Variants in PTK2 observed in about 807,000 individuals in gnomAD.
The protein encoded by PTK2 is focal adhesion kinase 1.
In PTK2, 45 loss-of-function variants were observed where a neutral mutation model predicts 150.1. That is an observed-to-expected ratio of 0.30 (90% CI 0.24 to 0.38). PTK2 has a LOEUF of 0.38. Ranked by LOEUF, PTK2 falls within the 10% of genes least tolerant of loss-of-function variation. PTK2 has a pLI of 1.00. For synonymous variants in PTK2, 432 were observed against 449.2 expected (o/e 0.96, Z 0.48); for missense variants, 919 against 1,307.3 (o/e 0.70, Z 4.58).
At chr8:140,877,616 C>G (rs2100146418) in intron 4 of PTK2, among the ~76,000 whole-genome samples, 1 of 151,738 alleles carries the variant, frequency 6.6e-6, no homozygotes, top group Admixed American at 6.6e-5. Context: ...TGGCAGAGTC[C>G]CTGGCTCAGC....
chr8:140,841,871 C>T (rs762630654), intron 7 of PTK2, among the ~76,000 whole-genome samples: 2 of 152,038 alleles, frequency 1.3e-5, no homozygotes, highest in Non-Finnish European at 1.5e-5. Context: ...TGTTGCCTAT[C>T]ATATAGGCAA....
rs544631146 is a variant in PTK2, at chr8:140,873,640, T to A, written c.362+5831A>T. 6.8e-4 allele frequency among the ~76,000 whole-genome samples: 103 copies of A among 152,270 alleles called. 1 individual carries two copies. Among genetic ancestry groups the A allele is most frequent in the South Asian group, 5.8e-3 (28 of 4,818 alleles). On this transcript the variant is annotated intron_variant, in intron 4 of 31. Coordinates refer to ENST00000522684, the Ensembl canonical transcript of PTK2. ...GCCATGACGCCTGGTAATTTTTGTA[T>A]TTTTAGTAGAGGCGGGGGTTTCACC... is the stretch of plus-strand genomic sequence containing the variant.
At chr8:140,753,730 C>T (rs897817673) in intron 16 of PTK2, among the ~76,000 whole-genome samples, 5 of 152,078 alleles carry the variant, frequency 3.3e-5, no homozygotes, top group African/African-American at 9.7e-5. Context: ...TTATACATAA[C>T]ACAGAGATAA....
At chr8:140,785,595 G>A (rs2100084481) in intron 14 of PTK2, among the ~76,000 whole-genome samples, 1 of 152,148 alleles carries the variant, frequency 6.6e-6, no homozygotes, top group African/African-American at 2.4e-5. Context: ...AAATGGGAGA[G>A]CCAGACAAAT....
At chr8:140,969,557 C>T (rs1328893072) in intron 1 of PTK2, among the ~76,000 whole-genome samples, 1 of 151,982 alleles carries the variant, frequency 6.6e-6, no homozygotes, top group East Asian at 1.9e-4. Context: ...TGCTTCCCTT[C>T]TCTTGCTTTC....
chr8:140,667,836 A>C lies in PTK2; in HGVS notation c.2865+433T>G, dbSNP rs1048411706. Among the ~76,000 whole-genome samples the C allele has an allele frequency of 9.9e-5, 15 of 152,164 alleles. No individual in the cohort carries two copies. The East Asian group carries it at 2.5e-3, about 25-fold the overall frequency. On this transcript the variant is annotated intron_variant, in intron 30 of 31. Coordinates refer to ENST00000522684, the Ensembl canonical transcript of PTK2. ...CTCCTCCTTACAGGTGCGGGATCTGAATTTGATAATGATCATTCCTCTACT... is the reference window on the plus strand; with the variant it reads ...CTCCTCCTTACAGGTGCGGGATCTGCATTTGATAATGATCATTCCTCTACT...
intron 5 of PTK2, among the ~76,000 whole-genome samples, chr8:140,858,191 C>A (rs1163252472): frequency 6.6e-6 from 1 of 151,884 alleles, no homozygotes; most frequent in Admixed American, 6.6e-5. Context: ...CTAGACTGAC[C>A]TGAATTATGT....
At chr8:140,730,962 C>G (rs572713350) in intron 22 of PTK2, among the ~76,000 whole-genome samples, 8 of 142,490 alleles carry the variant, frequency 5.6e-5, no homozygotes, top group South Asian at 2.5e-4. Flanking sequence ...AACCCCCCCC[C>G]CCCTTTTTTT....
chr8:140,927,546 A>C (rs1173257632), intron 1 of PTK2: 1 of 152,206 alleles, frequency 6.6e-6, no homozygotes, highest in Non-Finnish European at 1.5e-5. Flanking sequence ...CTTGTGGTGA[A>C]TGTAAATCCC....
At position 140,746,864 on chromosome 8, in the gene PTK2, G is replaced by C. The variant is rs1176596982; in HGVS notation, c.1418-4C>G. The C allele has an allele frequency of 1.0e-5, 16 of 1,563,724 alleles. No homozygotes were observed. Among genetic ancestry groups the C allele is most frequent in the Non-Finnish European group, 1.2e-5 (14 of 1,147,276 alleles). ...TGGTCAAACTGACGCATTGTTACTA[G>C]GAAAAAAGTTCTCCATAGTTATTCT... On this transcript the variant is annotated splice_region_variant and splice_polypyrimidine_tract_variant and intron_variant, in intron 17 of 31. Transcript: ENST00000522684.
intron 2 of PTK2, among the ~76,000 whole-genome samples, chr8:140,907,609 G>A (rs1052180290): frequency 1.3e-5 from 2 of 151,934 alleles, no homozygotes; most frequent in Non-Finnish European, 2.9e-5. Flanking sequence ...ACCCTGCATC[G>A]AGCGAGTCTA....
At chr8:140,738,774 AG>A (rs1593004486) in intron 21 of PTK2, among the ~76,000 whole-genome samples, 3 of 152,184 alleles carry the variant, frequency 2.0e-5, no homozygotes, top group South Asian at 2.1e-4. Context: ...GGGAACAAAA[AG>A]GAAGAGTGAT....
At chr8:140,840,999 C>T (rs977860234) in intron 7 of PTK2, among the ~76,000 whole-genome samples, 1 of 152,138 alleles carries the variant, frequency 6.6e-6, no homozygotes, top group African/African-American at 2.4e-5. Flanking sequence ...AAGATCACTA[C>T]ATAATGATGC....
chr8:140,860,142 G>A (rs1370823214), intron 5 of PTK2, among the ~76,000 whole-genome samples: 1 of 152,064 alleles, frequency 6.6e-6, no homozygotes, highest in Non-Finnish European at 1.5e-5. Flanking sequence ...ATGAACAGTT[G>A]TACCTCCCTG....
intron 26 of PTK2, among the ~76,000 whole-genome samples, chr8:140,689,644 A>C (rs2100021981): frequency 6.6e-6 from 1 of 152,252 alleles, no homozygotes; most frequent in South Asian, 2.1e-4. Context: ...TTAAGAGTTA[A>C]AAAGCAGGAT....
chr8:141,001,049 C>G (rs1006699893), intron 1 of PTK2, 76 bp downstream of exon 1: 1 of 151,556 alleles, frequency 6.6e-6, no homozygotes, highest in Non-Finnish European at 1.5e-5. Context: ...GGGCCGCGGC[C>G]CAGCCCACGA....
chr8:140,966,827 C>G (rs1438579699), intron 1 of PTK2, among the ~76,000 whole-genome samples: 3 of 152,178 alleles, frequency 2.0e-5, no homozygotes, highest in African/African-American at 7.2e-5. Flanking sequence ...TTGGGCTGCT[C>G]TGAACCCTTT....
At chr8:140,777,553 GAT>G (rs1203226465) in intron 14 of PTK2, among the ~76,000 whole-genome samples, 1 of 152,220 alleles carries the variant, frequency 6.6e-6, no homozygotes, top group Non-Finnish European at 1.5e-5. Flanking sequence ...ATATCCAAAT[GAT>G]ATCAGTTGCT....
At chr8:140,901,994 T>C (rs985663231) in intron 2 of PTK2, among the ~76,000 whole-genome samples, 2 of 151,934 alleles carry the variant, frequency 1.3e-5, no homozygotes, top group African/African-American at 4.8e-5. Flanking sequence ...AACTCATCCT[T>C]TTTTATGGCT....
Sources: allele counts gnomAD v4.1 joint callset (sites outside exome capture counted in the v4.1 genomes callset), GRCh38; gene constraint gnomAD v4.1.1; transcripts MANE v1.5; gene names NCBI Gene and HGNC (gene_info 2026-07-23, HGNC 2026-07-21).